Variants in HERC3 observed in about 807,000 individuals in gnomAD.
The protein encoded by HERC3 is HECT and RLD domain containing E3 ubiquitin protein ligase 3, also known as probable E3 ubiquitin-protein ligase HERC3.
In HERC3, 58 loss-of-function variants were observed where a neutral mutation model predicts 129.9. That is an observed-to-expected ratio of 0.45 (90% confidence interval 0.36 to 0.56). The LOEUF is 0.56. Ranked by LOEUF, HERC3 falls within the 20% of genes least tolerant of loss-of-function variation. HERC3 has a pLI of 0.00. For synonymous variants in HERC3, 430 were observed against 451.0 expected (o/e 0.95, Z 0.59); for missense variants, 835 against 1,244.2 (o/e 0.67, Z 4.95).
chr4:88,614,178 A>G (rs1724659206), intron 3 of HERC3, among the ~76,000 whole-genome samples: 1 of 152,168 alleles, frequency 6.6e-6, no homozygotes, highest in African/African-American at 2.4e-5. Flanking sequence ...TACATATATA[A>G]GCTCTCTTTA....
At chr4:88,609,209 G>A (rs1230644513) in intron 3 of HERC3, among the ~76,000 whole-genome samples, 1 of 151,938 alleles carries the variant, frequency 6.6e-6, no homozygotes, top group African/African-American at 2.4e-5. Context: ...CTTGAGCCCT[G>A]GAGATCAAAA....
At chr4:88,695,586 G>A (rs1560775519) in intron 23 of HERC3, among the ~76,000 whole-genome samples, 2 of 152,164 alleles carry the variant, frequency 1.3e-5, no homozygotes, top group Admixed American at 1.3e-4. Flanking sequence ...AAAACATAGG[G>A]AGGGATGTAG....
the HERC3 span, among the ~76,000 whole-genome samples, chr4:88,574,208 G>A: frequency 2.0e-5 from 3 of 152,208 alleles, no homozygotes; most frequent in African/African-American, 7.2e-5. Flanking sequence ...TCCAGAGGGA[G>A]TGATACGAAG....
intron 3 of HERC3, among the ~76,000 whole-genome samples, chr4:88,631,385 G>A (rs573580566): frequency 4.6e-4 from 70 of 152,302 alleles, no homozygotes; most frequent in African/African-American, 1.5e-3. Flanking sequence ...AACCCAGGAG[G>A]CAGAGGTTAC....
At chr4:88,637,446 A>C (rs369563628) in intron 3 of HERC3, among the ~76,000 whole-genome samples, 36 of 149,718 alleles carry the variant, frequency 2.4e-4, no homozygotes, top group African/African-American at 8.7e-4. Context: ...AACAAACAAA[A>C]AGCCACACAA....
At chr4:88,687,334 T>A in intron 23 of HERC3, 35 bp downstream of exon 23, 1 of 1,339,354 alleles carries the variant, frequency 7.5e-7, no homozygotes, top group Non-Finnish European at 1.0e-6. Flanking sequence ...CAGATACTGC[T>A]ACTTCATATT....
chr4:88,532,399 C>G, the HERC3 span, among the ~76,000 whole-genome samples: 1 of 152,290 alleles, frequency 6.6e-6, no homozygotes, highest in East Asian at 1.9e-4. Flanking sequence ...AACCCAGCAC[C>G]AGTATCTGAG....
chr4:88,636,016 G>C (rs1578211888), intron 3 of HERC3, among the ~76,000 whole-genome samples: 1 of 151,968 alleles, frequency 6.6e-6, no homozygotes, highest in African/African-American at 2.4e-5. Flanking sequence ...ATATGGAAAG[G>C]AAAAACCAGT....
At chr4:88,568,376 C>T in the HERC3 span, among the ~76,000 whole-genome samples, 1 of 152,122 alleles carries the variant, frequency 6.6e-6, no homozygotes, top group Non-Finnish European at 1.5e-5. Context: ...GGCAAGCTCC[C>T]CTCTGGCTTG....
rs778606288 is a variant in HERC3, at chr4:88,669,838, T to C, written c.1634-22T>C. 17 of 1,600,046 alleles carry C rather than the reference T, an allele frequency of 1.1e-5. 1 individual carries two copies. The Admixed American group carries it at 2.7e-4, about 25-fold the overall frequency. On this transcript the variant is annotated intron_variant, in intron 14 of 25. Coordinates refer to ENST00000402738, the MANE Select transcript of HERC3 (RefSeq NM_014606.3). ...TTGCCCAAGATTACATGTTGAAATATGTCTTTTCTTTCTTTCTAAAGATAA... is the reference window on the plus strand; with the variant it reads ...TTGCCCAAGATTACATGTTGAAATACGTCTTTTCTTTCTTTCTAAAGATAA...
chr4:88,646,773 C>A (rs1478610993), intron 3 of HERC3, among the ~76,000 whole-genome samples: 1 of 152,148 alleles, frequency 6.6e-6, no homozygotes, highest in African/African-American at 2.4e-5. Context: ...GATCATAGTT[C>A]CACAGTGACA....
At chr4:88,533,435 G>A in the HERC3 span, among the ~76,000 whole-genome samples, 2 of 152,082 alleles carry the variant, frequency 1.3e-5, no homozygotes, top group African/African-American at 2.4e-5. Context: ...TCACACCATG[G>A]AAAATTCTGA....
chr4:88,577,538 G>A, the HERC3 span, among the ~76,000 whole-genome samples: 3 of 136,740 alleles, frequency 2.2e-5, no homozygotes, highest in South Asian at 6.8e-4. Context: ...ATATATATTT[G>A]ACTAAACTGT....
chr4:88,704,441 T>C (rs1307184653), intron 24 of HERC3, 67 bp from the exon 25 acceptor site: 2 of 1,246,778 alleles, frequency 1.6e-6, no homozygotes, highest in African/African-American at 1.5e-5. Flanking sequence ...CAAATGCAAA[T>C]GATATATAAT....
At chr4:88,549,976 A>G in the HERC3 span, among the ~76,000 whole-genome samples, 1 of 152,308 alleles carries the variant, frequency 6.6e-6, no homozygotes, top group Admixed American at 6.5e-5. Context: ...AAAAGGGAAG[A>G]AAGTTTCCTT....
chr4:88,584,357 A>T, the HERC3 span, among the ~76,000 whole-genome samples: 1 of 152,210 alleles, frequency 6.6e-6, no homozygotes, highest in Admixed American at 6.5e-5. Flanking sequence ...ACCCTCAGAA[A>T]CATCAGCACA....
chr4:88,686,438 A>C (rs1733470443), intron 21 of HERC3, among the ~76,000 whole-genome samples: 1 of 152,156 alleles, frequency 6.6e-6, no homozygotes, highest in South Asian at 2.1e-4. Flanking sequence ...TGCAAGCTAC[A>C]CCAGAGTTAA....
intron 23 of HERC3, chr4:88,690,254 C>G (rs2924365): frequency 1.0e-6 from 1 of 971,338 alleles, no homozygotes; most frequent in Non-Finnish European, 1.2e-6. Flanking sequence ...CTTAATAAGA[C>G]CAGGCTTTTT....
chr4:88,544,671 ATTGT>A, the HERC3 span, among the ~76,000 whole-genome samples: 1 of 152,216 alleles, frequency 6.6e-6, no homozygotes, highest in South Asian at 2.1e-4. Flanking sequence ...AACCAACCCA[ATTGT>A]CCATCAATGA....
Sources: allele counts gnomAD v4.1 joint callset (sites outside exome capture counted in the v4.1 genomes callset), GRCh38; gene constraint gnomAD v4.1.1; transcripts MANE v1.5; gene names NCBI Gene and HGNC (gene_info 2026-07-23, HGNC 2026-07-21).